Variants in CERS6 observed in about 807,000 individuals in gnomAD.
The protein encoded by CERS6 is ceramide synthase 6.
CERS6 carries 26 observed loss-of-function variants against 56.8 expected under a neutral mutation model. The observed-to-expected ratio is 0.46, with a 90% CI of 0.34 to 0.63. The LOEUF (loss-of-function observed/expected upper bound fraction) is 0.63. Ranked by LOEUF, CERS6 falls within the 30% of genes least tolerant of loss-of-function variation. CERS6 has a pLI of 0.01. For synonymous variants in CERS6, 164 were observed against 173.3 expected (o/e 0.95, Z 0.42); for missense variants, 415 against 467.5 (o/e 0.89, Z 1.04).
intron 4 of CERS6, among the ~76,000 whole-genome samples, chr2:168,669,513 G>A (rs1274893965): frequency 6.6e-6 from 1 of 152,176 alleles, no homozygotes; most frequent in African/African-American, 2.4e-5. Flanking sequence ...TGATGTTGGT[G>A]TAGGCAATTA....
chr2:168,606,074 C>T (rs1486115318), intron 3 of CERS6, among the ~76,000 whole-genome samples: 1 of 152,212 alleles, frequency 6.6e-6, no homozygotes, highest in African/African-American at 2.4e-5. Context: ...GGAAAAGCTG[C>T]AGTGCTCACT....
chr2:168,536,346 C>T (rs997089427), intron 1 of CERS6, among the ~76,000 whole-genome samples: 2 of 152,062 alleles, frequency 1.3e-5, no homozygotes, highest in Admixed American at 6.6e-5. Flanking sequence ...TATGAACACA[C>T]GTAGAGATCT....
At chr2:168,576,666 C>A (rs1214545706) in intron 3 of CERS6, among the ~76,000 whole-genome samples, 1 of 152,338 alleles carries the variant, frequency 6.6e-6, no homozygotes, top group Middle Eastern at 3.4e-3. Context: ...AGATTCACCA[C>A]TGTTAACATG....
At chr2:168,515,791 G>A (rs1314299542) in intron 1 of CERS6, among the ~76,000 whole-genome samples, 7 of 152,162 alleles carry the variant, frequency 4.6e-5, no homozygotes, top group Admixed American at 6.5e-5. Context: ...AATCTGTAAC[G>A]AGGCAATTTT....
intron 1 of CERS6, among the ~76,000 whole-genome samples, chr2:168,532,089 T>G (rs1406506507): frequency 6.6e-6 from 1 of 152,180 alleles, no homozygotes; most frequent in East Asian, 1.9e-4. Context: ...GATATGAGTT[T>G]GCACCAGAGG....
chr2:168,752,027 C>G (rs111940806), intron 8 of CERS6, among the ~76,000 whole-genome samples: 78 of 152,262 alleles, frequency 5.1e-4, no homozygotes, highest in Admixed American at 1.4e-3. Context: ...TCTTATCTAT[C>G]TTAAAATCTC....
intron 2 of CERS6, among the ~76,000 whole-genome samples, chr2:168,551,469 C>T (rs1235741319): frequency 1.3e-5 from 2 of 152,268 alleles, no homozygotes; most frequent in Middle Eastern, 3.4e-3. Context: ...TTCTTAACGT[C>T]CCTAGGCTGC....
At chr2:168,712,501 G>A (rs1687116660) in intron 6 of CERS6, among the ~76,000 whole-genome samples, 1 of 152,126 alleles carries the variant, frequency 6.6e-6, no homozygotes, top group South Asian at 2.1e-4. Context: ...TACAACCCCA[G>A]AAATAATTTT....
At chr2:168,689,499 C>T (rs902002279) in intron 4 of CERS6, among the ~76,000 whole-genome samples, 2 of 152,034 alleles carry the variant, frequency 1.3e-5, no homozygotes, top group Non-Finnish European at 2.9e-5. Flanking sequence ...TTTACATCTT[C>T]CTCAATGGAC....
chr2:168,482,554 C>T (rs2105333648), intron 1 of CERS6, among the ~76,000 whole-genome samples: 1 of 152,350 alleles, frequency 6.6e-6, no homozygotes, highest in Admixed American at 6.5e-5. Flanking sequence ...GTGCATAATT[C>T]ATGCAAAAAA....
At chr2:168,722,736 G>C (rs947191062) in intron 8 of CERS6, among the ~76,000 whole-genome samples, 2 of 152,170 alleles carry the variant, frequency 1.3e-5, no homozygotes, top group Non-Finnish European at 2.9e-5. Context: ...TAATAAGCCA[G>C]GAGGTCAGAC....
intron 4 of CERS6, among the ~76,000 whole-genome samples, chr2:168,684,921 T>C (rs928359761): frequency 6.6e-6 from 1 of 152,216 alleles, no homozygotes; most frequent in Non-Finnish European, 1.5e-5. Context: ...TATGTTTTTT[T>C]TCTTAGAGTA....
At chr2:168,742,524 A>G (rs1218893207) in intron 8 of CERS6, among the ~76,000 whole-genome samples, 1 of 152,236 alleles carries the variant, frequency 6.6e-6, no homozygotes, top group Non-Finnish European at 1.5e-5. Flanking sequence ...TAAAGAGTAC[A>G]TAAGTGCCTT....
chr2:168,745,263 A>G (rs1298511623), intron 8 of CERS6, among the ~76,000 whole-genome samples: 3 of 146,466 alleles, frequency 2.0e-5, no homozygotes, highest in African/African-American at 7.6e-5. Flanking sequence ...TTTTTTTTAG[A>G]CGGAGTCTTG....
At chr2:168,461,507 T>C (rs540596179) in intron 1 of CERS6, among the ~76,000 whole-genome samples, 90 of 151,044 alleles carry the variant, frequency 6.0e-4, no homozygotes, top group African/African-American at 2.1e-3. Context: ...AAATAGCTTC[T>C]CATAGTTTCT....
chr2:168,484,167 G>GTTTTTTTTTTT (rs34492119), intron 1 of CERS6, among the ~76,000 whole-genome samples: 4 of 51,608 alleles, frequency 7.8e-5, no homozygotes, highest in Non-Finnish European at 7.4e-5. Context: ...TCTTTTTTCT[G>GTTTTTTTTTTT]TTTTTTTTTT....
At chr2:168,550,684 C>T (rs1487459692) in intron 2 of CERS6, among the ~76,000 whole-genome samples, 2 of 152,192 alleles carry the variant, frequency 1.3e-5, no homozygotes, top group South Asian at 4.1e-4. Flanking sequence ...TACAGTCAGG[C>T]CTCTCTCCAG....
intron 8 of CERS6, among the ~76,000 whole-genome samples, chr2:168,728,453 G>A (rs1446129137): frequency 7.0e-5 from 10 of 142,566 alleles, no homozygotes; most frequent in Non-Finnish European, 1.3e-4. Flanking sequence ...GCAATGGCGC[G>A]ATCTCGGCTC....
chr2:168,681,270 C>G (rs1008550605), intron 4 of CERS6, among the ~76,000 whole-genome samples: 1 of 152,164 alleles, frequency 6.6e-6, no homozygotes, highest in Non-Finnish European at 1.5e-5. Flanking sequence ...TCTTATTTCT[C>G]TCATTCTACT....
Sources: gnomAD v4.1 joint callset for allele counts (sites outside exome capture counted in the v4.1 genomes callset) on GRCh38, gnomAD v4.1.1 for gene constraint, MANE v1.5 for transcripts, NCBI Gene and HGNC (gene_info 2026-07-23, HGNC 2026-07-21) for gene names.